Variants in RAB22A observed in about 807,000 individuals in gnomAD.
RAB22A encodes ras-related protein Rab-22A.
Under a neutral mutation model 30.2 loss-of-function variants are expected in RAB22A, and 13 were observed. That is an observed-to-expected ratio of 0.43 (90% CI 0.28 to 0.68). RAB22A has a LOEUF of 0.68. RAB22A is among the 30% of genes least tolerant of loss of function. RAB22A has a pLI of 0.18. For synonymous variants in RAB22A, 89 were observed against 87.2 expected, an observed-to-expected ratio of 1.02 and a Z score of -0.11; for missense variants, 177 against 246.8, an observed-to-expected ratio of 0.72 and a Z score of 1.89.
In RAB22A at chr20:58,364,689, C is replaced by G. The variant is rs1987284323; in HGVS notation, c.*4986C>G. On this transcript the variant is annotated 3_prime_UTR_variant, in exon 7 of 7. Coordinates refer to ENST00000244040, the MANE Select transcript of RAB22A (RefSeq NM_020673.3). ...TGAGCAAGAATTCAAGTATCAAGGC[C>G]TATCAGCCAATTAAAAGCCGTAAGA... is the stretch of plus-strand genomic sequence containing the variant. The G allele has an allele frequency of 6.6e-6, 1 of 151,346 alleles. No individual in the cohort carries two copies. Among genetic ancestry groups the G allele is most frequent in the Admixed American group, 6.6e-5 (1 of 15,192 alleles). The allele number at this position is 151,346 out of a possible 1,614,324, so 9.4% of individuals were successfully genotyped here.
At chr20:58,337,680 T>C (rs1185716169) in intron 2 of RAB22A, among the ~76,000 whole-genome samples, 1 of 152,202 alleles carries the variant, frequency 6.6e-6, no homozygotes, top group Non-Finnish European at 1.5e-5. Context: ...TCCAGGTGTT[T>C]GAAGGAGTGA....
At chr20:58,342,093 C>G (rs1021046371) in intron 2 of RAB22A, among the ~76,000 whole-genome samples, 1 of 152,238 alleles carries the variant, frequency 6.6e-6, no homozygotes, top group African/African-American at 2.4e-5. Context: ...CATACATCAT[C>G]TCATTTAATC....
In RAB22A at chr20:58,344,374, G is replaced by A. The variant is rs6026207; in HGVS notation, c.198+575G>A. Reference sequence around the variant, plus strand: ...GCAGCATGGGGTCTAATGGAATTTGGGGAAGCCCACCCAAATCAGAAAGGG... The same window carrying A: ...GCAGCATGGGGTCTAATGGAATTTGAGGAAGCCCACCCAAATCAGAAAGGG... On this transcript the variant is annotated intron_variant, in intron 3 of 6. Transcript: ENST00000244040. Among the ~76,000 whole-genome samples the A allele has an allele frequency of 6.9e-3, 1,053 of 152,278 alleles. 11 individuals are homozygous for A. The highest frequency in any genetic ancestry group is 0.022 in the African/African-American group (904 of 41,552).
chr20:58,353,205 A>G, intron 3 of RAB22A, 68 bp from the exon 4 acceptor site: 1 of 1,384,734 alleles, frequency 7.2e-7, no homozygotes, highest in Non-Finnish European at 1.0e-6. Context: ...TAATGGGCTT[A>G]TAAATCTAGT....
intron 2 of RAB22A, among the ~76,000 whole-genome samples, chr20:58,321,818 A>G (rs1345554499): frequency 6.6e-6 from 1 of 152,210 alleles, no homozygotes; most frequent in African/African-American, 2.4e-5. Flanking sequence ...ATACATAAAC[A>G]GAAACAAGGT....
At chr20:58,354,710 TATG>T (rs1192508372) in intron 6 of RAB22A, among the ~76,000 whole-genome samples, 3 of 152,220 alleles carry the variant, frequency 2.0e-5, no homozygotes, top group Non-Finnish European at 4.4e-5. Flanking sequence ...GAAGTGTTAA[TATG>T]ATGATACTCG....
chr20:58,343,965 G>C (rs1443371276), intron 3 of RAB22A, among the ~76,000 whole-genome samples, 166 bp downstream of exon 3: 1 of 152,108 alleles, frequency 6.6e-6, no homozygotes, highest in African/African-American at 2.4e-5. Flanking sequence ...TTTTCAATTA[G>C]AGCCACAGAG....
At chr20:58,343,486 G>T (rs1295531875) in intron 2 of RAB22A, among the ~76,000 whole-genome samples, 1 of 152,078 alleles carries the variant, frequency 6.6e-6, no homozygotes, top group East Asian at 1.9e-4. Context: ...TTGATAAGGA[G>T]CTTAGAACCC....
At position 58,357,230 on chromosome 20, in the gene RAB22A, G is replaced by A. The variant is rs200815964; in HGVS notation, c.488-2376G>A. On this transcript the variant is annotated intron_variant, in intron 6 of 6. Coordinates refer to ENST00000244040, the MANE Select transcript of RAB22A (RefSeq NM_020673.3). ...AGTTAATGAAGTCGAGCACATTTCC[G>A]AATATATGTTTACATTTGTCGTATC... Among the ~76,000 whole-genome samples the A allele has an allele frequency of 3.9e-5, 6 of 152,286 alleles. No individual in the cohort carries two copies. The East Asian group carries it at 9.6e-4, about 24-fold the overall frequency.
intron 2 of RAB22A, among the ~76,000 whole-genome samples, chr20:58,335,728 T>C (rs1469975757): frequency 6.6e-6 from 1 of 152,188 alleles, no homozygotes; most frequent in Admixed American, 6.5e-5. Flanking sequence ...TATTGAAACA[T>C]ATGACTGTAT....
chr20:58,336,773 C>A (rs908805609), intron 2 of RAB22A, among the ~76,000 whole-genome samples: 1 of 152,082 alleles, frequency 6.6e-6, no homozygotes, highest in African/African-American at 2.4e-5. Flanking sequence ...GAGCTCTGGC[C>A]TCCAGGAGAT....
At chr20:58,345,116 T>C (rs1022344153) in intron 3 of RAB22A, among the ~76,000 whole-genome samples, 1 of 152,148 alleles carries the variant, frequency 6.6e-6, no homozygotes, top group East Asian at 1.9e-4. Flanking sequence ...CGTGTGGCCC[T>C]TCCTATTAGT....
intron 2 of RAB22A, among the ~76,000 whole-genome samples, chr20:58,311,357 A>C (rs1986222612): frequency 6.6e-6 from 1 of 152,224 alleles, no homozygotes; most frequent in Non-Finnish European, 1.5e-5. Context: ...TTGGAGTTCT[A>C]CTAATTATTA....
At chr20:58,321,510 G>C (rs938565237) in intron 2 of RAB22A, among the ~76,000 whole-genome samples, 1 of 152,230 alleles carries the variant, frequency 6.6e-6, no homozygotes, top group East Asian at 1.9e-4. Flanking sequence ...TTCCGCTACT[G>C]ATGTGTGGAG....
chr20:58,363,148 A>G lies in RAB22A; in HGVS notation c.*3445A>G, dbSNP rs1045844313. On this transcript the variant is annotated 3_prime_UTR_variant, in exon 7 of 7. Coordinates refer to ENST00000244040, the MANE Select transcript of RAB22A (RefSeq NM_020673.3). ...ATTTTTAGGGCATTGTGTTAAAATA[A>G]GCAGTTTAGATTCCGACGACACTGC... 2.6e-5 allele frequency: 4 copies of G among 152,214 alleles called. No homozygotes were observed. Among genetic ancestry groups the G allele is most frequent in the African/African-American group, 9.6e-5 (4 of 41,458 alleles). 9.4% of individuals were successfully genotyped at this position (152,214 alleles called of 1,614,324 possible).
At chr20:58,355,382 T>A (rs1044386166) in intron 6 of RAB22A, among the ~76,000 whole-genome samples, 1 of 152,174 alleles carries the variant, frequency 6.6e-6, no homozygotes, top group Admixed American at 6.5e-5. Context: ...ATTTTTTTTT[T>A]ACATGTCCCA....
chr20:58,331,476 T>C (rs537135357), intron 2 of RAB22A, among the ~76,000 whole-genome samples: 2 of 152,330 alleles, frequency 1.3e-5, no homozygotes, highest in South Asian at 4.1e-4. Flanking sequence ...TATTGAAGAT[T>C]TTCATAATTA....
intron 2 of RAB22A, among the ~76,000 whole-genome samples, chr20:58,321,066 T>C: frequency 6.6e-6 from 1 of 152,076 alleles, no homozygotes; most frequent in East Asian, 1.9e-4. Context: ...GGCACACGCC[T>C]GTAATCCCAG....
intron 2 of RAB22A, among the ~76,000 whole-genome samples, chr20:58,340,724 T>C (rs542976048): frequency 1.3e-5 from 2 of 152,106 alleles, no homozygotes; most frequent in Non-Finnish European, 2.9e-5. Flanking sequence ...AAAACATAAA[T>C]GAACTACTCA....
Sources: gnomAD v4.1 joint callset for allele counts (sites outside exome capture counted in the v4.1 genomes callset) on GRCh38, gnomAD v4.1.1 for gene constraint, MANE v1.5 for transcripts, NCBI Gene and HGNC (gene_info 2026-07-23, HGNC 2026-07-21) for gene names.